The following HS6ST2 variants were observed in gnomAD, a reference collection of about 807,000 sequenced individuals.
HS6ST2 encodes heparan sulfate 6-O-sulfotransferase 2.
Under a neutral mutation model 33.0 loss-of-function variants are expected in HS6ST2, and 17 were observed. That is an observed-to-expected ratio of 0.52 (90% CI 0.35 to 0.77). The LOEUF is 0.77. Ranked by LOEUF, HS6ST2 falls within the 30% of genes least tolerant of loss-of-function variation. The probability of loss-of-function intolerance (pLI) is 0.01; values close to 1 mark genes in which losing one functional copy is unlikely to be tolerated. For synonymous variants in HS6ST2, 248 were observed against 237.1 expected (o/e 1.05, Z -0.42); for missense variants, 519 against 551.7 (o/e 0.94, Z 0.59).
chrX:132,701,752 G>A (rs2064145243), intron 3 of HS6ST2, among the ~76,000 whole-genome samples: 1 of 112,010 alleles, frequency 8.9e-6, no homozygotes, highest in Admixed American at 9.5e-5. Flanking sequence ...ATGGCTGGAA[G>A]AATCCGAATG....
intron 4 of HS6ST2, among the ~76,000 whole-genome samples, chrX:132,629,441 T>C (rs761670881): frequency 4.5e-5 from 5 of 111,588 alleles, no homozygotes; most frequent in Non-Finnish European, 9.4e-5. Flanking sequence ...ATGACACCAT[T>C]GGCTAACTAG....
At chrX:132,669,866 C>T (rs950007915) in intron 3 of HS6ST2, 2 of 112,558 alleles carry the variant, frequency 1.8e-5, no homozygotes, top group Admixed American at 1.9e-4. Flanking sequence ...GGTTAATAAA[C>T]GCAGACGAAT....
At chrX:132,894,459 A>G (rs184060802) in intron 2 of HS6ST2, among the ~76,000 whole-genome samples, 98 of 100,136 alleles carry the variant, frequency 9.8e-4, no homozygotes, top group Non-Finnish European at 1.4e-3. Flanking sequence ...AGATTTTTTG[A>G]AATTCCTATT....
intron 2 of HS6ST2, among the ~76,000 whole-genome samples, chrX:132,884,258 G>A: frequency 8.9e-6 from 1 of 111,781 alleles, no homozygotes; most frequent in Non-Finnish European, 1.9e-5. Context: ...CATATAAATA[G>A]AAATTAGTTT....
chrX:132,953,596 C>A (rs2067038483), intron 2 of HS6ST2, among the ~76,000 whole-genome samples: 1 of 111,766 alleles, frequency 8.9e-6, no homozygotes, highest in Non-Finnish European at 1.9e-5. Flanking sequence ...CAGCTGAAGG[C>A]TCCTACTGAA....
At chrX:132,741,627 T>G (rs1409771340) in intron 2 of HS6ST2, among the ~76,000 whole-genome samples, 1 of 111,248 alleles carries the variant, frequency 9.0e-6, no homozygotes, top group Admixed American at 9.6e-5. Context: ...CGTTTCAGCT[T>G]GGATTCTTAT....
At chrX:132,958,027 C>T in intron 1 of HS6ST2, 148 bp downstream of exon 1, 1 of 534,870 alleles carries the variant, frequency 1.9e-6, no homozygotes, top group Non-Finnish European at 2.8e-6. Context: ...AAATGCGCGC[C>T]GCACCCCTCC....
chrX:132,773,958 G>A (rs1266615888), intron 2 of HS6ST2, among the ~76,000 whole-genome samples: 1 of 112,037 alleles, frequency 8.9e-6, no homozygotes, highest in African/African-American at 3.2e-5. Flanking sequence ...CCTTAAAAGG[G>A]TGAATTGTGT....
intron 2 of HS6ST2, among the ~76,000 whole-genome samples, chrX:132,796,714 C>A (rs1025288012): frequency 5.4e-5 from 6 of 112,089 alleles, no homozygotes; most frequent in Non-Finnish European, 1.1e-4. Context: ...TGGGCTCTGA[C>A]AATTACTTTC....
In HS6ST2 at chrX:132,957,118, C is replaced by A; in HGVS notation, c.637G>T (p.Gly213Cys). The change falls in exon 2 of 5, where the codon GGC becomes TGC. Residue 213 changes from glycine (G) to cysteine (C), a missense_variant. Physicochemically the swap from Gly to Cys is radical, Grantham distance 159 (BLOSUM62 -3). Transcript: ENST00000370833. ...AAGTCTACCTTGCGCAGGAGGTCGC[C>A]GCGGGTGAAATTGTAGCGGGGCACG... ...RFVPRYNFTRGDLLRKVDFDI... is the reference protein window; with the variant it reads ...RFVPRYNFTRCDLLRKVDFDI... 8.3e-7 allele frequency: 1 copy of A among 1,211,583 alleles called. No individual in the cohort carries two copies. Among genetic ancestry groups the A allele is most frequent in the African/African-American group, 1.7e-5 (1 of 57,790 alleles).
rs150614768 is a variant in HS6ST2 at position 132,819,576 on chromosome X, T to G, written c.948-111082A>C. 9.7e-3 allele frequency among the ~76,000 whole-genome samples: 1,074 copies of G among 111,225 alleles called. 6 individuals carry two copies. The highest frequency in any genetic ancestry group is 0.016 in the Non-Finnish European group (821 of 52,962). On this transcript the variant is annotated intron_variant, in intron 2 of 4. Coordinates refer to ENST00000370833, the MANE Select transcript of HS6ST2 (RefSeq NM_001394073.1). ...GAGTATGACCCATGCTTCCTAGAGA[T>G]CCAACCTTTCTGAAATAAATGGTAA...
chrX:132,641,091 C>T (rs1293812050), intron 4 of HS6ST2, among the ~76,000 whole-genome samples: 1 of 112,125 alleles, frequency 8.9e-6, no homozygotes, highest in Non-Finnish European at 1.9e-5. Context: ...CATGTGTGCT[C>T]AATGTTTAGC....
intron 2 of HS6ST2, among the ~76,000 whole-genome samples, chrX:132,804,025 T>C (rs1280801152): frequency 8.9e-6 from 1 of 112,155 alleles, no homozygotes; most frequent in Non-Finnish European, 1.9e-5. Context: ...TCCAGGCTGT[T>C]ATTTTTATTA....
intron 4 of HS6ST2, among the ~76,000 whole-genome samples, chrX:132,653,440 A>G (rs893200987): frequency 1.8e-5 from 2 of 111,978 alleles, no homozygotes; most frequent in African/African-American, 6.5e-5. Flanking sequence ...ATGCAGCAGT[A>G]TTAAATTACC....
intron 2 of HS6ST2, among the ~76,000 whole-genome samples, chrX:132,845,444 G>C (rs1212555958): frequency 9.0e-6 from 1 of 111,197 alleles, no homozygotes; most frequent in African/African-American, 3.3e-5. Flanking sequence ...ACAAAATTGA[G>C]GTAGAAGCTC....
chrX:132,912,664 C>A (rs992821581), intron 2 of HS6ST2, among the ~76,000 whole-genome samples: 1 of 111,964 alleles, frequency 8.9e-6, no homozygotes, highest in Non-Finnish European at 1.9e-5. Flanking sequence ...ATTGTAAAAT[C>A]TCCCAACTCA....
chrX:132,957,380 C>T, intron 1 of HS6ST2, 54 bp from the exon 2 acceptor site: 2 of 1,100,887 alleles, frequency 1.8e-6, no homozygotes, highest in South Asian at 2.3e-5. Flanking sequence ...CCGCGCTCGT[C>T]GTGCCCCCGC....
At chrX:132,752,567 G>A (rs757428632) in intron 2 of HS6ST2, among the ~76,000 whole-genome samples, 6 of 110,449 alleles carry the variant, frequency 5.4e-5, no homozygotes, top group Non-Finnish European at 1.1e-4. Flanking sequence ...ATCTTCTCAC[G>A]CAGACGCTGA....
Position 132,628,183 on chromosome X carries a change from G to T in HS6ST2, c.*40C>A. 1 of 938,829 alleles carries T rather than the reference G, an allele frequency of 1.1e-6. No individual in the cohort carries two copies. The highest frequency in any genetic ancestry group is 1.5e-6 in the Non-Finnish European group (1 of 686,513). 77.4% of individuals were successfully genotyped at this position (938,829 alleles called of 1,213,427 possible). A position where few individuals can be genotyped will look rare whatever the true frequency, so the allele number is the denominator to read the frequency against. ...TTTTAAGCTATGCCATCTTTTCAGTGGCGCTTTGGGAGAAGTATGTACAGG... is the reference window on the plus strand; with the variant it reads ...TTTTAAGCTATGCCATCTTTTCAGTTGCGCTTTGGGAGAAGTATGTACAGG... On this transcript the variant is annotated 3_prime_UTR_variant, in exon 5 of 5. Coordinates refer to ENST00000370833, the MANE Select transcript of HS6ST2 (RefSeq NM_001394073.1).
Sources: allele counts gnomAD v4.1 joint callset (sites outside exome capture counted in the v4.1 genomes callset), GRCh38; gene constraint gnomAD v4.1.1; transcripts MANE v1.5; gene names NCBI Gene and HGNC (gene_info 2026-07-23, HGNC 2026-07-21).